The following ACAD9 variants were observed in gnomAD, a reference collection of about 807,000 sequenced individuals.
The protein encoded by ACAD9 is acyl-CoA dehydrogenase family member 9, also known as complex I assembly factor ACAD9, mitochondrial.
ACAD9 carries 53 observed loss-of-function variants against 70.2 expected under a neutral mutation model. The observed-to-expected ratio is 0.75, with a 90% CI of 0.61 to 0.95. ACAD9 has a LOEUF of 0.95. Among genes scored for constraint, ACAD9 ranks in the 40% least tolerant of loss-of-function variants. The pLI is 0.00. For synonymous variants in ACAD9, 313 were observed against 312.1 expected, an observed-to-expected ratio of 1.00 and a Z score of -0.03; for missense variants, 777 against 802.8, an observed-to-expected ratio of 0.97 and a Z score of 0.39.
chr3:128,880,006 C>A (rs1935040016), intron 1 of ACAD9, 165 bp downstream of exon 1: 5 of 1,548,274 alleles, frequency 3.2e-6, no homozygotes, highest in Non-Finnish European at 3.5e-6. Flanking sequence ...GGAAAACCTT[C>A]CCAGAGAAAG....
At chr3:128,906,339 C>A in intron 12 of ACAD9, 90 bp downstream of exon 12, 2 of 1,579,704 alleles carry the variant, frequency 1.3e-6, no homozygotes, top group Non-Finnish European at 8.6e-7. Flanking sequence ...GAGGCCCCCG[C>A]AGCCCAGGGC....
At chr3:128,907,383 G>A (rs568702727) in intron 12 of ACAD9, among the ~76,000 whole-genome samples, 5 of 152,320 alleles carry the variant, frequency 3.3e-5, no homozygotes, top group African/African-American at 1.2e-4. Flanking sequence ...CTTAGCCTGG[G>A]AGGGTTGGGG....
chr3:128,898,340 T>G, intron 6 of ACAD9: 1 of 428,878 alleles, frequency 2.3e-6, no homozygotes, highest in African/African-American at 2.1e-5. Flanking sequence ...CAGGAGTTTT[T>G]TTTGTTTGTT....
chr3:128,895,222 A>T, intron 3 of ACAD9, 88 bp from the exon 4 acceptor site: 2 of 991,550 alleles, frequency 2.0e-6, no homozygotes, highest in Non-Finnish European at 1.5e-6. Flanking sequence ...GCATTACTTT[A>T]TAATCAGAAG....
intron 6 of ACAD9, 97 bp downstream of exon 6, chr3:128,897,807 C>T (rs1935610457): frequency 8.8e-7 from 1 of 1,131,536 alleles, no homozygotes; most frequent in African/African-American, 1.5e-5. Context: ...GTACCTGCTG[C>T]TGTAGCACCG....
At chr3:128,881,347 A>T (rs1291142474) in intron 1 of ACAD9, among the ~76,000 whole-genome samples, 1 of 152,184 alleles carries the variant, frequency 6.6e-6, no homozygotes, top group African/African-American at 2.4e-5. Context: ...CTCAGCTGTC[A>T]GCTTTGCTTC....
chr3:128,880,143 G>A lies in ACAD9; in HGVS notation c.150+302G>A. On this transcript the variant is annotated intron_variant, in intron 1 of 17. Transcript: ENST00000308982. Reference sequence around the variant, plus strand: ...AACAAAGCAGCCTTCATCTCAGCTGGTCTGGTCTGGAAATGTGCGGGGCTT... The same window carrying A: ...AACAAAGCAGCCTTCATCTCAGCTGATCTGGTCTGGAAATGTGCGGGGCTT... 3 of 835,284 alleles carry A rather than the reference G, an allele frequency of 3.6e-6. No individual in the cohort carries two copies. The South Asian group carries it at 5.1e-5, about 14-fold the overall frequency. The allele number at this position is 835,284 out of a possible 1,614,324, so 51.7% of individuals were successfully genotyped here.
intron 1 of ACAD9, among the ~76,000 whole-genome samples, chr3:128,882,008 C>G (rs1332258872): frequency 6.6e-6 from 1 of 152,152 alleles, no homozygotes. Flanking sequence ...TCTCCCTGAA[C>G]TCCAGATTCC....
chr3:128,887,645 ATAT>A (rs1319570865), intron 2 of ACAD9, among the ~76,000 whole-genome samples: 15 of 89,150 alleles, frequency 1.7e-4, no homozygotes, highest in African/African-American at 4.6e-4. Flanking sequence ...AAATAAATAA[ATAT>A]ATATATATAT....
intron 10 of ACAD9, 110 bp from the exon 11 acceptor site, chr3:128,904,272 GGCTT>G (rs894710681): frequency 1.9e-6 from 3 of 1,597,076 alleles, no homozygotes; most frequent in Admixed American, 3.3e-5. Flanking sequence ...CGGGTCACTG[GGCTT>G]GCTTCTCTTG....
chr3:128,911,950 C>T (rs1936374102), intron 17 of ACAD9, among the ~76,000 whole-genome samples: 1 of 152,236 alleles, frequency 6.6e-6, no homozygotes, highest in African/African-American at 2.4e-5. Context: ...AGTGCTCTTC[C>T]TCTTCTATAG....
intron 2 of ACAD9, among the ~76,000 whole-genome samples, chr3:128,890,988 C>A (rs146064638): frequency 6.6e-6 from 1 of 151,738 alleles, no homozygotes; most frequent in South Asian, 2.1e-4. Context: ...ACTATAGGTG[C>A]GCATCACTAT....
intron 13 of ACAD9, 29 bp downstream of exon 13, chr3:128,908,293 C>T: frequency 6.2e-7 from 1 of 1,613,272 alleles, no homozygotes; most frequent in South Asian, 1.1e-5. Context: ...GTGTGCTTCT[C>T]AGGTCCCATA....
At chr3:128,899,506 G>A (rs763944739) in intron 7 of ACAD9, 45 bp downstream of exon 7, 1 of 1,587,236 alleles carries the variant, frequency 6.3e-7, no homozygotes, top group South Asian at 1.1e-5. Context: ...TGTGTAAGGG[G>A]GAGACTGGCC....
At chr3:128,884,230 G>A (rs1191536823) in intron 1 of ACAD9, among the ~76,000 whole-genome samples, 1 of 152,220 alleles carries the variant, frequency 6.6e-6, no homozygotes, top group African/African-American at 2.4e-5. Flanking sequence ...AGGGCCTTGA[G>A]TAAATATTAC....
chr3:128,906,377 T>G, intron 12 of ACAD9, 128 bp downstream of exon 12: 2 of 1,414,744 alleles, frequency 1.4e-6, no homozygotes, highest in African/African-American at 1.4e-5. Flanking sequence ...GGGGCTCTCC[T>G]AGCCCTGGCA....
At chr3:128,904,573 T>C in intron 11 of ACAD9, 68 bp downstream of exon 11, 1 of 1,571,162 alleles carries the variant, frequency 6.4e-7, no homozygotes, top group South Asian at 1.1e-5. Context: ...ACTGTGACCT[T>C]TCAAGCCCAT....
At chr3:128,892,094 T>A (rs1935437252) in intron 2 of ACAD9, among the ~76,000 whole-genome samples, 1 of 152,172 alleles carries the variant, frequency 6.6e-6, no homozygotes, top group Admixed American at 6.5e-5. Context: ...TGCAAACTGA[T>A]CTACAGACAA....
rs1935828124 is a variant in ACAD9, at chr3:128,904,388, G to T, written c.1032G>T (p.Glu344Asp). The T allele has an allele frequency of 1.2e-6, 2 of 1,614,250 alleles. No individual in the cohort carries two copies. Among genetic ancestry groups the T allele is most frequent in the Non-Finnish European group, 1.7e-6 (2 of 1,180,046 alleles). ...KRLSEFGLIQ[E>D]KFALMAQKAY... Reference sequence around the variant, plus strand: ...TGTGTTTTTTCTGAACACTCCAGGAGAAATTTGCACTGATGGCTCAGAAGG... The same window carrying T: ...TGTGTTTTTTCTGAACACTCCAGGATAAATTTGCACTGATGGCTCAGAAGG... The change falls in exon 11 of 18, where the codon GAG becomes GAT. Residue 344 changes from glutamate (E) to aspartate (D), a missense_variant and splice_region_variant. Physicochemically the swap from Glu to Asp is conservative, Grantham distance 45 (BLOSUM62 2). Coordinates refer to ENST00000308982, the MANE Select transcript of ACAD9 (RefSeq NM_014049.5).
Sources: gnomAD v4.1 joint callset for allele counts (sites outside exome capture counted in the v4.1 genomes callset) on GRCh38, gnomAD v4.1.1 for gene constraint, MANE v1.5 for transcripts, NCBI Gene and HGNC (gene_info 2026-07-23, HGNC 2026-07-21) for gene names.